The following FHOD3 variants were observed in gnomAD, a reference collection of about 807,000 sequenced individuals.
The protein encoded by FHOD3 is formin homology 2 domain containing 3.
FHOD3 carries 90 observed loss-of-function variants against 173.0 expected under a neutral mutation model. The observed-to-expected ratio is 0.52, with a 90% confidence interval of 0.44 to 0.62. The LOEUF is 0.62. Ranked by LOEUF, FHOD3 falls within the 20% of genes least tolerant of loss-of-function variation. The pLI is 0.00. For missense variants in FHOD3, 1,945 were observed against 2,034.7 expected (o/e 0.96, Z 0.85); for synonymous variants, 828 against 823.0 (o/e 1.01, Z -0.10).
chr18:36,488,360 C>T (rs929637873), intron 3 of FHOD3, among the ~76,000 whole-genome samples: 5 of 152,154 alleles, frequency 3.3e-5, no homozygotes, highest in Admixed American at 6.5e-5. Flanking sequence ...CTGGCATTGA[C>T]CCCGGGAAGG....
At chr18:36,396,809 A>G (rs1200445520) in intron 3 of FHOD3, among the ~76,000 whole-genome samples, 1 of 151,572 alleles carries the variant, frequency 6.6e-6, no homozygotes, top group Non-Finnish European at 1.5e-5. Flanking sequence ...TGACCTTGAT[A>G]TTTTTATGTT....
Position 36,321,710 on chromosome 18 carries a change from C to G in FHOD3, c.165+23710C>G, listed in dbSNP as rs955311315. On this transcript the variant is annotated intron_variant, in intron 1 of 28. Coordinates refer to ENST00000590592, the MANE Select transcript of FHOD3 (RefSeq NM_001281740.3). ...TGGCTGGTTGGGGGACTGCCCAGTG[C>G]TTGGGAGCGGTGACCAGGGCTGTGA... Among the ~76,000 whole-genome samples the G allele has an allele frequency of 4.1e-4, 62 of 152,266 alleles. 1 individual carries two copies. The highest frequency in any genetic ancestry group is 1.1e-3 in the African/African-American group (46 of 41,566).
At chr18:36,724,627 C>T (rs1360374620) in intron 19 of FHOD3, among the ~76,000 whole-genome samples, 1 of 152,192 alleles carries the variant, frequency 6.6e-6, no homozygotes, top group African/African-American at 2.4e-5. Flanking sequence ...GTTTCCTGCT[C>T]GCCTAGACAG....
chr18:36,401,466 T>C (rs2048808837), intron 3 of FHOD3, among the ~76,000 whole-genome samples: 1 of 152,154 alleles, frequency 6.6e-6, no homozygotes, highest in South Asian at 2.1e-4. Context: ...AGACAGCCTG[T>C]CATTGGCAAG....
chr18:36,719,613 A>C (rs956063157), intron 19 of FHOD3, among the ~76,000 whole-genome samples: 1 of 152,254 alleles, frequency 6.6e-6, no homozygotes, highest in Non-Finnish European at 1.5e-5. Flanking sequence ...ATAATTTAGA[A>C]TAAACATGCA....
chr18:36,561,565 G>T (rs1445428924), intron 5 of FHOD3, among the ~76,000 whole-genome samples: 1 of 152,218 alleles, frequency 6.6e-6, no homozygotes, highest in East Asian at 1.9e-4. Flanking sequence ...TTTTATTGTG[G>T]ATATATCATA....
At chr18:36,746,304 G>C (rs1415761239) in intron 23 of FHOD3, among the ~76,000 whole-genome samples, 1 of 152,178 alleles carries the variant, frequency 6.6e-6, no homozygotes, top group African/African-American at 2.4e-5. Flanking sequence ...CAGAGTTTGG[G>C]AATCACCTGT....
At chr18:36,644,818 A>G (rs542405845) in intron 10 of FHOD3, among the ~76,000 whole-genome samples, 1 of 152,304 alleles carries the variant, frequency 6.6e-6, no homozygotes, top group Non-Finnish European at 1.5e-5. Context: ...CACAGGGCTC[A>G]AAAGTGGTGA....
At chr18:36,600,771 T>C (rs906526140) in intron 7 of FHOD3, among the ~76,000 whole-genome samples, 3 of 152,224 alleles carry the variant, frequency 2.0e-5, no homozygotes, top group African/African-American at 7.2e-5. Flanking sequence ...CTTTGCTCCC[T>C]GAGGACCTGT....
intron 3 of FHOD3, among the ~76,000 whole-genome samples, chr18:36,438,626 C>T (rs574158759): frequency 6.6e-6 from 1 of 152,304 alleles, no homozygotes; most frequent in Admixed American, 6.5e-5. Context: ...GTCACCCGAC[C>T]CAGAGGCCTG....
chr18:36,639,814 G>GGTT (rs2035176526), intron 10 of FHOD3, among the ~76,000 whole-genome samples: 1 of 145,908 alleles, frequency 6.9e-6, no homozygotes, highest in South Asian at 2.2e-4. Context: ...AGAATAAAGT[G>GGTT]TTTTTTTTTT....
chr18:36,739,194 C>T (rs4799887), intron 20 of FHOD3, among the ~76,000 whole-genome samples: 52,298 of 152,138 alleles, frequency 0.34, 9,051 homozygotes, highest in South Asian at 0.44. Flanking sequence ...AAACTTACTG[C>T]CCCTTTCCTA....
intron 9 of FHOD3, among the ~76,000 whole-genome samples, chr18:36,620,232 C>T (rs2033595650): frequency 6.6e-6 from 1 of 152,194 alleles, no homozygotes; most frequent in Admixed American, 6.5e-5. Context: ...AAGTTTCAAC[C>T]ACACTCAACT....
chr18:36,461,460 T>TG (rs199609406), intron 3 of FHOD3, among the ~76,000 whole-genome samples: 17,083 of 136,404 alleles, frequency 0.13, 1,074 homozygotes, highest in African/African-American at 0.18. Context: ...TGTGTGTGTG[T>TG]TTTTTTTTTT....
At chr18:36,461,192 A>G (rs932036766) in intron 3 of FHOD3, among the ~76,000 whole-genome samples, 1 of 152,022 alleles carries the variant, frequency 6.6e-6, no homozygotes, top group Non-Finnish European at 1.5e-5. Context: ...CTCCTCTTCC[A>G]TTGCTATCAG....
chr18:36,475,025 ACACACACACT>A (rs59955849), intron 3 of FHOD3, among the ~76,000 whole-genome samples: 36,508 of 133,152 alleles, frequency 0.27, 4,662 homozygotes, highest in South Asian at 0.41. Context: ...ACACACACAC[ACACACACACT>A]CTGCAAAATT....
intron 7 of FHOD3, among the ~76,000 whole-genome samples, chr18:36,597,299 C>G (rs918543469): frequency 6.6e-6 from 1 of 152,204 alleles, no homozygotes; most frequent in African/African-American, 2.4e-5. Context: ...AGATTCTCGT[C>G]TGTCAGACCA....
chr18:36,625,411 T>G, intron 9 of FHOD3, 100 bp from the exon 10 acceptor site: 1 of 1,121,642 alleles, frequency 8.9e-7, no homozygotes, highest in Non-Finnish European at 1.2e-6. Context: ...AAGACAGAGT[T>G]AAAAATCCCT....
intron 9 of FHOD3, among the ~76,000 whole-genome samples, chr18:36,615,240 C>T (rs908882356): frequency 3.9e-5 from 6 of 152,102 alleles, no homozygotes; most frequent in African/African-American, 1.2e-4. Flanking sequence ...TATTTTCTCT[C>T]ATTCTATGGG....
Sources: allele counts gnomAD v4.1 joint callset (sites outside exome capture counted in the v4.1 genomes callset), GRCh38; gene constraint gnomAD v4.1.1; transcripts MANE v1.5; gene names NCBI Gene and HGNC (gene_info 2026-07-23, HGNC 2026-07-21).